ATP8B1: variants seen among roughly 807,000 people sequenced by gnomAD.
ATP8B1 encodes the protein phospholipid-transporting ATPase IC.
A neutral mutation model predicts 149.9 loss-of-function variants in ATP8B1; 80 were observed. The observed-to-expected ratio is 0.53, with a 90% CI of 0.45 to 0.64. The LOEUF is 0.64. Among genes scored for constraint, ATP8B1 ranks in the 30% least tolerant of loss-of-function variants. ATP8B1 has a pLI of 0.00. For synonymous variants in ATP8B1, 536 were observed against 562.8 expected (o/e 0.95, Z 0.67); for missense variants, 1,247 against 1,552.6 (o/e 0.80, Z 3.31).
intron 1 of ATP8B1, among the ~76,000 whole-genome samples, chr18:57,772,472 G>A (rs918836994): frequency 1.3e-5 from 2 of 152,154 alleles, no homozygotes; most frequent in East Asian, 1.9e-4. Flanking sequence ...ACTAAAGTGC[G>A]GGTAGACAGG....
intron 1 of ATP8B1, among the ~76,000 whole-genome samples, chr18:57,771,386 G>A (rs1157067182): frequency 1.3e-5 from 2 of 152,142 alleles, no homozygotes; most frequent in African/African-American, 4.8e-5. Context: ...ACTGGGCGTG[G>A]TGCATCTCCT....
intron 1 of ATP8B1, among the ~76,000 whole-genome samples, chr18:57,776,344 ATG>A (rs1568066782): frequency 2.6e-5 from 4 of 152,258 alleles, no homozygotes; most frequent in Admixed American, 6.5e-5. Flanking sequence ...CCTCGCATTC[ATG>A]TGAGTTCACG....
intron 17 of ATP8B1, 81 bp from the exon 18 acceptor site, chr18:57,669,563 T>C (rs780392094): frequency 1.5e-5 from 19 of 1,308,854 alleles, no homozygotes; most frequent in Non-Finnish European, 2.0e-5. Flanking sequence ...GAAATTTTAC[T>C]TTGAAGTAAT....
At chr18:57,714,769 T>G (rs1305338788) in intron 2 of ATP8B1, among the ~76,000 whole-genome samples, 4 of 152,062 alleles carry the variant, frequency 2.6e-5, no homozygotes, top group Non-Finnish European at 5.9e-5. Flanking sequence ...AGATATGGGT[T>G]CAATCATAAT....
At chr18:57,733,119 CTTAG>C (rs1049671140) in intron 1 of ATP8B1, among the ~76,000 whole-genome samples, 3 of 152,150 alleles carry the variant, frequency 2.0e-5, no homozygotes, top group African/African-American at 7.2e-5. Flanking sequence ...GAAGAACAAC[CTTAG>C]TTAGATTTAT....
intron 2 of ATP8B1, among the ~76,000 whole-genome samples, chr18:57,719,676 C>G (rs1466464613): frequency 6.6e-6 from 1 of 152,230 alleles, no homozygotes; most frequent in African/African-American, 2.4e-5. Flanking sequence ...GGCAGCGAGG[C>G]TGGGGGAGAG....
At chr18:57,752,226 GATAATA>G (rs61423520) in intron 1 of ATP8B1, among the ~76,000 whole-genome samples, 1 of 144,554 alleles carries the variant, frequency 6.9e-6, no homozygotes, top group Admixed American at 7.0e-5. Flanking sequence ...TAATAATAAT[GATAATA>G]ATAATAATAA....
intron 1 of ATP8B1, among the ~76,000 whole-genome samples, chr18:57,748,684 CTA>C (rs1481254302): frequency 2.0e-5 from 3 of 152,152 alleles, no homozygotes; most frequent in African/African-American, 4.8e-5. Flanking sequence ...TTTGCCAAGA[CTA>C]TGTGCACAAA....
At chr18:57,738,309 T>G (rs1349850987) in intron 1 of ATP8B1, among the ~76,000 whole-genome samples, 2 of 152,156 alleles carry the variant, frequency 1.3e-5, no homozygotes, top group Non-Finnish European at 2.9e-5. Context: ...TTTCGAAGAA[T>G]ACAGATAAGT....
Position 57,661,296 on chromosome 18 carries a change from G to A in ATP8B1, c.2585C>T (p.Ala862Val). The A allele has an allele frequency of 6.2e-7, 1 of 1,613,914 alleles. No homozygotes were observed. The highest frequency in any genetic ancestry group is 8.5e-7 in the Non-Finnish European group (1 of 1,180,006). Residue 862 changes from alanine (A) to valine (V), a missense_variant, in exon 22 of 28, where the codon GCA becomes GTA. Coordinates refer to ENST00000648908, the MANE Select transcript of ATP8B1 (RefSeq NM_001374385.1). ...GGGGGTGACGCGGCAGCAGATGACT[G>A]CGCTGCACTCGCAGGCCAGGTCCAC... ...NFVDLACECS[A>V]VICCRVTPKQ...
intron 4 of ATP8B1, among the ~76,000 whole-genome samples, chr18:57,701,990 G>C (rs987669804): frequency 1.3e-5 from 2 of 152,182 alleles, no homozygotes; most frequent in Non-Finnish European, 2.9e-5. Flanking sequence ...GAGCCACCGT[G>C]CCTGGCCAAA....
chr18:57,686,094 A>G (rs1912226330), intron 13 of ATP8B1, among the ~76,000 whole-genome samples: 1 of 151,940 alleles, frequency 6.6e-6, no homozygotes, highest in South Asian at 2.1e-4. Context: ...CAAAAAAGCA[A>G]CAACAACAAC....
In ATP8B1 at chr18:57,752,092, A is replaced by G. The variant is rs529482528; in HGVS notation, c.-25-20260T>C. ...AATTATGGTGCGTGCCTGTGGTCCC[A>G]GCTACTTGAGAGGCTGAGGTGGGAG... On this transcript the variant is annotated intron_variant, in intron 1 of 27. Transcript: ENST00000648908. 2.0e-5 allele frequency among the ~76,000 whole-genome samples: 3 copies of G among 152,048 alleles called. No homozygotes were observed. In the East Asian group the frequency reaches 5.8e-4, roughly 29 times the overall value.
intron 2 of ATP8B1, among the ~76,000 whole-genome samples, chr18:57,719,126 A>G (rs1015784217): frequency 2.6e-5 from 4 of 152,266 alleles, no homozygotes; most frequent in Non-Finnish European, 5.9e-5. Context: ...CCAAAAAACT[A>G]TCAGAACTGG....
At chr18:57,799,704 C>CAA (rs4059219) in intron 1 of ATP8B1, among the ~76,000 whole-genome samples, 121 of 110,956 alleles carry the variant, frequency 1.1e-3, no homozygotes, top group South Asian at 4.2e-3. Flanking sequence ...GACTCTGTCT[C>CAA]AAAAAAAAAA....
intron 1 of ATP8B1, among the ~76,000 whole-genome samples, chr18:57,753,896 C>A (rs1392786398): frequency 7.2e-6 from 1 of 139,452 alleles, no homozygotes; most frequent in African/African-American, 2.7e-5. Context: ...CCACTACATA[C>A]CACCCTGGGC....
In ATP8B1 at chr18:57,648,504, C is replaced by A; in HGVS notation, c.3740G>T (p.Arg1247Leu). 1 of 1,611,294 alleles carries A rather than the reference C, an allele frequency of 6.2e-7. No homozygotes were observed. The highest frequency in any genetic ancestry group is 2.2e-5 in the East Asian group (1 of 44,882). The change falls in exon 28 of 28, where the codon CGC becomes CTC. Residue 1247 changes from arginine to leucine, a missense_variant. Physicochemically the swap from Arg to Leu is moderately radical, Grantham distance 102. This residue lies in a region of ATP8B1 where 164 missense variants were observed against 160.3 expected (regional missense o/e 1.02). Transcript: ENST00000648908. ...IVADGTAEYR[R>L]TGDS ...GGTAAGGGATCAGCTGTCCCCGGTG[C>A]GCCTGTACTCCGCGGTGCCATCCGC...
intron 15 of ATP8B1, 123 bp from the exon 16 acceptor site, chr18:57,675,145 G>C: frequency 2.1e-6 from 2 of 931,112 alleles, no homozygotes; most frequent in Non-Finnish European, 3.3e-6. Context: ...ACATCCCCAG[G>C]AAAACGAGTC....
chr18:57,719,731 G>A (rs539449702), intron 2 of ATP8B1, among the ~76,000 whole-genome samples: 173 of 152,348 alleles, frequency 1.1e-3, no homozygotes, highest in African/African-American at 4.0e-3. Flanking sequence ...AAAGCAGCCG[G>A]GAAGCTCGAA....
Sources: gnomAD v4.1 joint callset for allele counts (sites outside exome capture counted in the v4.1 genomes callset) on GRCh38, gnomAD v4.1.1 for gene constraint, gnomAD v4.1.1 regional missense constraint, MANE v1.5 for transcripts, NCBI Gene and HGNC (gene_info 2026-07-23, HGNC 2026-07-21) for gene names.